Variants in TTC28 observed in about 807,000 individuals in gnomAD.
The protein encoded by TTC28 is tetratricopeptide repeat domain 28, also known as tetratricopeptide repeat protein 28.
TTC28 carries 61 observed loss-of-function variants against 198.0 expected under a neutral mutation model. That is an observed-to-expected ratio of 0.31 (90% CI 0.25 to 0.38). The LOEUF is 0.38. TTC28 is among the 10% of genes least tolerant of loss of function. The pLI is 1.00. For missense variants in TTC28, 2,678 were observed against 3,164.0 expected (o/e 0.85, Z 3.69); for synonymous variants, 1,171 against 1,297.8 (o/e 0.90, Z 2.10).
At chr22:27,991,978 A>C (rs76224259) in intron 19 of TTC28, among the ~76,000 whole-genome samples, 3,350 of 152,336 alleles carry the variant, frequency 0.022, 45 homozygotes, top group Non-Finnish European at 0.03. Flanking sequence ...TACTTTGATC[A>C]AAGAAGCGTG....
chr22:28,554,992 TCAAA>T lies in TTC28; in HGVS notation c.381+74556_381+74559del, dbSNP rs531914213. On this transcript the variant is annotated intron_variant, in intron 2 of 22. Transcript: ENST00000397906. ...CTAATATTCAGAATCTATGCAGAAC[TCAAA>T]CAAATCAGCAAGAAAAAAACAATCC... 3.2e-4 allele frequency among the ~76,000 whole-genome samples: 48 copies of T among 152,176 alleles called. No individual in the cohort carries two copies. The East Asian group carries it at 8.3e-3, about 26-fold the overall frequency.
intron 1 of TTC28, among the ~76,000 whole-genome samples, chr22:28,647,184 T>TAG (rs1249188211): frequency 6.6e-6 from 1 of 152,150 alleles, no homozygotes; most frequent in East Asian, 1.9e-4. Flanking sequence ...TAGCCACATG[T>TAG]AGAGGAGTGA....
At chr22:28,090,533 G>A (rs1391045346) in intron 12 of TTC28, among the ~76,000 whole-genome samples, 1 of 152,114 alleles carries the variant, frequency 6.6e-6, no homozygotes, top group African/African-American at 2.4e-5. Context: ...ATACTAGTAT[G>A]TACAGATCTT....
chr22:28,164,958 A>T (rs1337496414), intron 5 of TTC28, among the ~76,000 whole-genome samples: 1 of 152,252 alleles, frequency 6.6e-6, no homozygotes, highest in Non-Finnish European at 1.5e-5. Context: ...GCTAACTAGA[A>T]TAACCAATGC....
chr22:28,376,760 A>G (rs1433344086), intron 2 of TTC28, among the ~76,000 whole-genome samples: 1 of 152,158 alleles, frequency 6.6e-6, no homozygotes, highest in Non-Finnish European at 1.5e-5. Flanking sequence ...TCACAAGGCA[A>G]AATACTGGAA....
chr22:28,261,708 G>T (rs1476394463), intron 5 of TTC28, among the ~76,000 whole-genome samples: 1 of 152,138 alleles, frequency 6.6e-6, no homozygotes, highest in African/African-American at 2.4e-5. Context: ...AGGTCCTGCA[G>T]AAAGAAGTCA....
At chr22:28,217,120 T>C (rs1160560364) in intron 5 of TTC28, among the ~76,000 whole-genome samples, 5 of 152,124 alleles carry the variant, frequency 3.3e-5, no homozygotes, top group Non-Finnish European at 7.3e-5. Context: ...TGCAACAAGT[T>C]ACAGCATATT....
At chr22:28,293,632 T>C (rs577705629) in intron 5 of TTC28, among the ~76,000 whole-genome samples, 3 of 151,884 alleles carry the variant, frequency 2.0e-5, no homozygotes, top group East Asian at 3.9e-4. Context: ...GTTCCCCCCC[T>C]CCAACAGAAA....
intron 6 of TTC28, among the ~76,000 whole-genome samples, chr22:28,111,545 T>TCTCCCTCTCTCCTCATTTA (rs1942482483): frequency 2.0e-5 from 3 of 152,210 alleles, no homozygotes; most frequent in Admixed American, 1.3e-4. Context: ...TTTTTACATT[T>TCTCCCTCTCTCCTCATTTA]CTCCCTCTCT....
intron 5 of TTC28, among the ~76,000 whole-genome samples, chr22:28,216,869 A>G (rs1436764695): frequency 2.6e-5 from 4 of 152,156 alleles, no homozygotes; most frequent in Admixed American, 2.6e-4. Context: ...TCACAGGCGC[A>G]TGCCACCATG....
At chr22:28,522,069 T>C (rs926803269) in intron 2 of TTC28, among the ~76,000 whole-genome samples, 2 of 152,162 alleles carry the variant, frequency 1.3e-5, no homozygotes, top group African/African-American at 4.8e-5. Context: ...TTCTGTAAGA[T>C]ATGCCAAGAA....
chr22:28,192,684 G>A (rs973517758), intron 5 of TTC28, among the ~76,000 whole-genome samples: 4 of 152,074 alleles, frequency 2.6e-5, no homozygotes, highest in Non-Finnish European at 5.9e-5. Context: ...GTGGAAGAAA[G>A]GGTATCAGTG....
At chr22:28,041,360 G>A (rs1939631778) in intron 12 of TTC28, among the ~76,000 whole-genome samples, 1 of 152,176 alleles carries the variant, frequency 6.6e-6, no homozygotes, top group East Asian at 1.9e-4. Flanking sequence ...AACCAAAACA[G>A]CATGGTGCTG....
Position 28,163,082 on chromosome 22 carries a change from C to A in TTC28, c.1441+10G>T. 1 of 1,539,054 alleles carries A rather than the reference C, an allele frequency of 6.5e-7. No homozygotes were observed. Among genetic ancestry groups the A allele is most frequent in the Non-Finnish European group, 8.8e-7 (1 of 1,140,374 alleles). On this transcript the variant is annotated intron_variant, in intron 6 of 22. Coordinates refer to ENST00000397906, the MANE Select transcript of TTC28 (RefSeq NM_001145418.2). The stretch of plus-strand genomic sequence containing the variant: ...TTGACCTGGGCTCTTACAGGCAACC[C>A]TGTTCTTACCTAGATTGGAGGATGC...
intron 5 of TTC28, among the ~76,000 whole-genome samples, chr22:28,203,994 C>T (rs1167643310): frequency 6.6e-6 from 1 of 152,180 alleles, no homozygotes; most frequent in Non-Finnish European, 1.5e-5. Context: ...CTTGATCCCA[C>T]TCCTTATACC....
chr22:28,541,647 G>T (rs1176591376), intron 2 of TTC28, among the ~76,000 whole-genome samples: 1 of 151,966 alleles, frequency 6.6e-6, no homozygotes, highest in Non-Finnish European at 1.5e-5. Context: ...AAATGACTGA[G>T]ATGATAAAAT....
intron 16 of TTC28, among the ~76,000 whole-genome samples, chr22:27,996,849 C>A (rs1937562222): frequency 6.6e-6 from 1 of 151,950 alleles, no homozygotes; most frequent in Non-Finnish European, 1.5e-5. Flanking sequence ...AAAGGGTTTT[C>A]TAAGATAATG....
chr22:27,990,041 T>G (rs1937345013), intron 20 of TTC28, 34 bp from the exon 21 acceptor site: 1 of 1,537,952 alleles, frequency 6.5e-7, no homozygotes, highest in Non-Finnish European at 8.8e-7. Context: ...GCACCCTGTG[T>G]CTCCTTCCCC....
At chr22:28,253,572 T>C (rs983330088) in intron 5 of TTC28, among the ~76,000 whole-genome samples, 3 of 152,214 alleles carry the variant, frequency 2.0e-5, no homozygotes, top group African/African-American at 4.8e-5. Flanking sequence ...ACCTGGCACA[T>C]AGTATCCAAT....
Sources: allele counts gnomAD v4.1 joint callset (sites outside exome capture counted in the v4.1 genomes callset), GRCh38; gene constraint gnomAD v4.1.1; transcripts MANE v1.5; gene names NCBI Gene and HGNC (gene_info 2026-07-23, HGNC 2026-07-21).